Variants in ZNF236 observed in about 807,000 individuals in gnomAD.
The protein encoded by ZNF236 is regulated by glucose.
A neutral mutation model predicts 191.2 loss-of-function variants in ZNF236; 50 were observed. The observed-to-expected ratio is 0.26, with a 90% CI of 0.21 to 0.33. ZNF236 has a LOEUF of 0.33. ZNF236 is among the 10% of genes least tolerant of loss of function. ZNF236 has a pLI of 1.00. For missense variants in ZNF236, 1,754 were observed against 2,374.5 expected, an observed-to-expected ratio of 0.74 and a Z score of 5.43; for synonymous variants, 907 against 928.8, an observed-to-expected ratio of 0.98 and a Z score of 0.43.
At chr18:76,893,083 A>G (rs543322942) in intron 9 of ZNF236, among the ~76,000 whole-genome samples, 2 of 152,336 alleles carry the variant, frequency 1.3e-5, no homozygotes, top group Non-Finnish European at 2.9e-5. Context: ...GTCTATTCAC[A>G]GATATTAGAA....
At position 76,960,901 on chromosome 18, in the gene ZNF236, A is replaced by G; in HGVS notation, c.5419+46A>G. The stretch of plus-strand genomic sequence containing the variant: ...AGTGCGTGCTGTTCGGTGGCCTGCG[A>G]GGCACCCTGTGTTTCGCATACATTG... On this transcript the variant is annotated intron_variant, in intron 30 of 30. Coordinates refer to ENST00000320610, the MANE Select transcript of ZNF236 (RefSeq NM_001306089.2). This position sits in a 1 kb window ranked among gnomAD's most constrained non-coding sequence, Gnocchi z 4.4. 1.3e-6 allele frequency: 2 copies of G among 1,558,574 alleles called. No homozygotes were observed. The highest frequency in any genetic ancestry group is 1.7e-6 in the Non-Finnish European group (2 of 1,150,510).
At chr18:76,836,295 A>G (rs12456104) in intron 1 of ZNF236, among the ~76,000 whole-genome samples, 27,975 of 151,538 alleles carry the variant, frequency 0.18, 2,759 homozygotes, top group East Asian at 0.37. Flanking sequence ...AGCATAGCTC[A>G]CTGCAGCCCC....
chr18:76,844,986 C>G (rs1975631229), intron 1 of ZNF236, among the ~76,000 whole-genome samples: 1 of 152,168 alleles, frequency 6.6e-6, no homozygotes, highest in South Asian at 2.1e-4. Context: ...AAGTTATTGG[C>G]AGGCCCTTGT....
At chr18:76,961,169 C>T (rs1018596530) in intron 30 of ZNF236, among the ~76,000 whole-genome samples, 1 of 152,042 alleles carries the variant, frequency 6.6e-6, no homozygotes. Context: ...CCATTCTTTC[C>T]CCCCGAGTCC....
chr18:76,880,454 A>G lies in ZNF236; in HGVS notation c.1188+138A>G, dbSNP rs979303618. ...GAAAAATGTGCCTGAACCGAAAGAA[A>G]TTAATATGCCTACTTAATTGCTTAT... On this transcript the variant is annotated intron_variant, in intron 8 of 30. Transcript: ENST00000320610. This position sits in a 1 kb window ranked among gnomAD's most constrained non-coding sequence, Gnocchi z 5.0. 39 of 825,622 alleles carry G rather than the reference A, an allele frequency of 4.7e-5. No individual in the cohort carries two copies. In the Middle Eastern group the frequency reaches 1.1e-3, roughly 24 times the overall value. The allele number at this position is 825,622 out of a possible 1,614,324, so 51.1% of individuals were successfully genotyped here. A position where few individuals can be genotyped will look rare whatever the true frequency, so the allele number is the denominator to read the frequency against.
Position 76,968,198 on chromosome 18 carries a change from C to A in ZNF236, c.5420-17C>A, listed in dbSNP as rs1017400819. 3 of 1,613,518 alleles carry A rather than the reference C, an allele frequency of 1.9e-6. No homozygotes were observed. The highest frequency in any genetic ancestry group is 2.7e-5 in the African/African-American group (2 of 74,856). ...GAAGGTCTGAGGCTGCTTGTGTTTT[C>A]TTTGTCTGCATAACAGGAGCTCTGC... On this transcript the variant is annotated splice_polypyrimidine_tract_variant and intron_variant, in intron 30 of 30. Transcript: ENST00000320610.
At position 76,871,702 on chromosome 18, in the gene ZNF236, G is replaced by T; in HGVS notation, c.544G>T (p.Val182Leu). ...TTTTGCCCCCCTTTATTACACTAGG[G>T]TATCAAGTACAAGGTCTTATAACCG... ...EHMKTHYKIR[V>L]SSTRSYNRNI... is the part of the protein sequence containing the mutation. Residue 182 changes from valine to leucine, a missense_variant and splice_region_variant, in exon 5 of 31, where the codon GTA (valine) becomes TTA (leucine). Val to Leu is a conservative substitution (Grantham distance 32, BLOSUM62 1). Around this residue, in one of 5 missense-constraint regions of ZNF236, gnomAD observed 336 missense variants for 495.1 expected, o/e 0.68. Transcript: ENST00000320610. The T allele has an allele frequency of 3.7e-6, 6 of 1,614,074 alleles. No homozygotes were observed. Among genetic ancestry groups the T allele is most frequent in the Non-Finnish European group, 5.1e-6 (6 of 1,179,984 alleles).
At chr18:76,826,765 A>G (rs929011594) in intron 1 of ZNF236, among the ~76,000 whole-genome samples, 2 of 147,096 alleles carry the variant, frequency 1.4e-5, no homozygotes, top group African/African-American at 5.0e-5. Flanking sequence ...GCGCCACTGC[A>G]CTCCAGCCTG....
chr18:76,923,570 A>T (rs896069164), intron 21 of ZNF236, among the ~76,000 whole-genome samples: 1 of 152,074 alleles, frequency 6.6e-6, no homozygotes, highest in African/African-American at 2.4e-5. Flanking sequence ...ATGGGGAGAA[A>T]CTCTTGCAAA....
chr18:76,955,905 T>C lies in ZNF236; in HGVS notation c.4915-80T>C. The C allele has an allele frequency of 5.5e-6, 8 of 1,465,400 alleles. No homozygotes were observed. The Admixed American group carries it at 9.8e-5, about 18-fold the overall frequency. The allele number at this position is 1,465,400 out of a possible 1,614,324, so 90.8% of individuals were successfully genotyped here. On this transcript the variant is annotated intron_variant, in intron 27 of 30. Coordinates refer to ENST00000320610, the MANE Select transcript of ZNF236 (RefSeq NM_001306089.2). Reference sequence around the variant, plus strand: ...GTCCGTGCTAGGAATGTCCCTCTTATCACCACGGTGTGTGTCAGTTCACAA... The same window carrying C: ...GTCCGTGCTAGGAATGTCCCTCTTACCACCACGGTGTGTGTCAGTTCACAA...
Position 76,868,818 on chromosome 18 carries a change from C to T in ZNF236, c.497C>T (p.Thr166Ile), listed in dbSNP as rs1976499602. The change falls in exon 4 of 31, where the codon ACC (threonine) becomes ATC (isoleucine). Residue 166 changes from threonine to isoleucine, a missense_variant. Around this residue, in one of 5 missense-constraint regions of ZNF236, gnomAD observed 336 missense variants for 495.1 expected, o/e 0.68. Coordinates refer to ENST00000320610, the MANE Select transcript of ZNF236 (RefSeq NM_001306089.2). Reference protein sequence around the residue: ...ACKACKKEFETSSELKEHMKT... With the variant: ...ACKACKKEFEISSELKEHMKT... ...AAGGCCTGCAAGAAAGAGTTCGAGA[C>T]CTCCTCGGAGCTGAAGGAACACATG... is the stretch of plus-strand genomic sequence containing the variant. The T allele has an allele frequency of 2.5e-6, 4 of 1,613,436 alleles. No homozygotes were observed. The highest frequency in any genetic ancestry group is 2.7e-5 in the African/African-American group (2 of 74,936).
chr18:76,920,056 G>T lies in ZNF236; in HGVS notation c.3555G>T (p.Val1185=). ...GCTTCAAGAAACCTAGCGACCTGGT[G>T]AGGTGAGGGCATGGCTACGCCGCGC... is the stretch of plus-strand genomic sequence containing the variant. ...PKSFKKPSDL[V]RHVRIHTGEK... The change falls in exon 20 of 31, where the codon GTG becomes GTT. Residue 1185 remains valine, a splice_region_variant and synonymous_variant. Coordinates refer to ENST00000320610, the MANE Select transcript of ZNF236 (RefSeq NM_001306089.2). 6.2e-7 allele frequency: 1 copy of T among 1,611,520 alleles called. No individual in the cohort carries two copies.
At chr18:76,943,452 C>T (rs1223871033) in intron 26 of ZNF236, among the ~76,000 whole-genome samples, 1 of 152,050 alleles carries the variant, frequency 6.6e-6, no homozygotes, top group Non-Finnish European at 1.5e-5. Flanking sequence ...TTCAAGAAAG[C>T]AAAATGATTT....
intron 11 of ZNF236, among the ~76,000 whole-genome samples, chr18:76,901,400 A>G (rs139879370): frequency 3.3e-5 from 5 of 152,344 alleles, no homozygotes; most frequent in East Asian, 1.9e-4. Flanking sequence ...AATTGACTGT[A>G]GAAGAAATAG....
At chr18:76,824,349 G>C in intron 1 of ZNF236, 1 of 781,052 alleles carries the variant, frequency 1.3e-6, no homozygotes, top group Non-Finnish European at 2.4e-6. Flanking sequence ...GCGAGCTTTC[G>C]CACACCTCAT....
intron 3 of ZNF236, among the ~76,000 whole-genome samples, chr18:76,861,884 G>C (rs1040494275): frequency 3.3e-5 from 5 of 152,118 alleles, no homozygotes; most frequent in African/African-American, 1.2e-4. Flanking sequence ...TTCTTTTTGA[G>C]ACAGAGTTTC....
intron 21 of ZNF236, 130 bp downstream of exon 21, chr18:76,923,304 G>C: frequency 1.7e-6 from 1 of 584,628 alleles, no homozygotes; most frequent in Non-Finnish European, 2.9e-6. Context: ...CACCAAGAAG[G>C]AAGTGATATA....
intron 25 of ZNF236, among the ~76,000 whole-genome samples, chr18:76,934,969 C>T (rs1012406581): frequency 3.3e-5 from 5 of 152,088 alleles, no homozygotes; most frequent in African/African-American, 7.2e-5. Flanking sequence ...ATTTTTGAGT[C>T]GGAATCATAA....
intron 19 of ZNF236, among the ~76,000 whole-genome samples, chr18:76,917,256 T>C (rs116924625): frequency 2.3e-3 from 353 of 152,354 alleles, no homozygotes; most frequent in Non-Finnish European, 3.6e-3. Flanking sequence ...GACCCTTTCC[T>C]TCAAATGAGT....
Sources: allele counts gnomAD v4.1 joint callset (sites outside exome capture counted in the v4.1 genomes callset), GRCh38; gene constraint gnomAD v4.1.1; regional missense constraint gnomAD v4.1.1; non-coding constraint Gnocchi (gnomAD v3.1); transcripts MANE v1.5; gene names NCBI Gene and HGNC (gene_info 2026-07-23, HGNC 2026-07-21).